NEDD9: variants seen among roughly 807,000 people sequenced by gnomAD.
NEDD9 encodes enhancer of filamentation 1.
NEDD9 carries 26 observed loss-of-function variants against 76.6 expected under a neutral mutation model. The observed-to-expected ratio is 0.34, with a 90% CI of 0.25 to 0.47. The LOEUF is 0.47. Ranked by LOEUF, NEDD9 falls within the 20% of genes least tolerant of loss-of-function variation. The pLI is 1.00. For synonymous variants in NEDD9, 392 were observed against 414.2 expected (o/e 0.95, Z 0.65); for missense variants, 937 against 1,058.5 (o/e 0.89, Z 1.59).
intron 2 of NEDD9, among the ~76,000 whole-genome samples, chr6:11,205,983 T>A (rs1467595173): frequency 1.3e-5 from 2 of 152,244 alleles, no homozygotes; most frequent in African/African-American, 4.8e-5. Flanking sequence ...CTGACACACT[T>A]TAAACAGGAG....
At position 11,190,221 on chromosome 6, in the gene NEDD9, T is replaced by C. The variant is rs1302073773; in HGVS notation, c.1648A>G (p.Asn550Asp). The change falls in exon 5 of 7, where the codon AAC (asparagine) becomes GAC (aspartate). Residue 550 changes from asparagine (N) to aspartate (D), a missense_variant. Asn to Asp is a conservative substitution (Grantham distance 23, BLOSUM62 1). Transcript: ENST00000379446. This position sits in a 1 kb window ranked among gnomAD's most constrained non-coding sequence, Gnocchi z 5.8. ...DDAKQLTTTI[N>D]TNAEALFRPG... ...CTGAAGAGGGCCTCTGCGTTGGTGTTGATGGTTGTGGTGAGCTGCTTGGCG... is the reference window on the plus strand; with the variant it reads ...CTGAAGAGGGCCTCTGCGTTGGTGTCGATGGTTGTGGTGAGCTGCTTGGCG... The C allele has an allele frequency of 1.9e-6, 3 of 1,614,056 alleles. No individual in the cohort carries two copies. The African/African-American group carries it at 4.0e-5, about 22-fold the overall frequency.
intron 3 of NEDD9, among the ~76,000 whole-genome samples, chr6:11,275,565 C>CACACACACACACACACACATAT (rs551632582): frequency 2.7e-5 from 4 of 150,184 alleles, no homozygotes; most frequent in African/African-American, 9.8e-5. Flanking sequence ...CACACACACA[C>CACACACACACACACACACATAT]ATATATATAT....
chr6:11,262,281 C>T (rs1760129282), intron 3 of NEDD9, among the ~76,000 whole-genome samples: 1 of 152,204 alleles, frequency 6.6e-6, no homozygotes, highest in African/African-American at 2.4e-5. Context: ...AGAGCCTTTG[C>T]TTTAAAGACT....
intron 3 of NEDD9, among the ~76,000 whole-genome samples, chr6:11,284,338 G>A (rs139634482): frequency 0.064 from 9,545 of 148,372 alleles, 318 homozygotes; most frequent in Middle Eastern, 0.13. Context: ...GGCAGATCAC[G>A]AGGTCAGGAG....
At chr6:11,229,977 A>G (rs916981085) in intron 1 of NEDD9, among the ~76,000 whole-genome samples, 4 of 152,230 alleles carry the variant, frequency 2.6e-5, no homozygotes, top group Non-Finnish European at 5.9e-5. Context: ...CGACAATCTT[A>G]TAGGGCCTGA....
At chr6:11,381,439 T>C (rs1763061795) in intron 1 of NEDD9, among the ~76,000 whole-genome samples, 1 of 152,242 alleles carries the variant, frequency 6.6e-6, no homozygotes, top group Admixed American at 6.5e-5. Flanking sequence ...TGAAAAAATT[T>C]CAGCAAGATA....
intron 2 of NEDD9, among the ~76,000 whole-genome samples, chr6:11,324,370 G>A (rs571678112): frequency 1.3e-5 from 2 of 152,224 alleles, no homozygotes; most frequent in African/African-American, 4.8e-5. Flanking sequence ...CTGTGTGCAG[G>A]TCTGGATGCC....
chr6:11,321,672 C>A (rs920959287), intron 2 of NEDD9, among the ~76,000 whole-genome samples: 2 of 152,132 alleles, frequency 1.3e-5, no homozygotes, highest in African/African-American at 4.8e-5. Flanking sequence ...TTTGCTAATA[C>A]TTTTTGCTGG....
intron 1 of NEDD9, among the ~76,000 whole-genome samples, chr6:11,224,636 T>C (rs61167633): frequency 8.5e-6 from 1 of 116,990 alleles, no homozygotes; most frequent in Non-Finnish European, 1.6e-5. Context: ...AAAAAAAAAA[T>C]CTCATCGACA....
In NEDD9 at chr6:11,270,740, C is replaced by T. The variant is rs536750106; in HGVS notation, c.12+35252G>A. 5.3e-5 allele frequency among the ~76,000 whole-genome samples: 8 copies of T among 152,320 alleles called. No individual in the cohort carries two copies. The South Asian group carries it at 1.7e-3, about 32-fold the overall frequency. ...TTAGAAGGGTCTGTTTCTTTCCATG[C>T]AGATACCCTCATTAGTTATTTACGT... On this transcript the variant is annotated intron_variant, in intron 3 of 3. Transcript: ENST00000397378.
At chr6:11,374,739 C>G (rs777380943) in intron 1 of NEDD9, among the ~76,000 whole-genome samples, 5 of 152,214 alleles carry the variant, frequency 3.3e-5, no homozygotes, top group African/African-American at 4.8e-5. Flanking sequence ...GGAACCCAAT[C>G]TGCTGGTCTG....
intron 1 of NEDD9, among the ~76,000 whole-genome samples, chr6:11,380,950 A>C (rs1763053150): frequency 6.6e-6 from 1 of 152,158 alleles, no homozygotes; most frequent in Non-Finnish European, 1.5e-5. Context: ...CCGGGACTAT[A>C]GGCATACACC....
intron 1 of NEDD9, among the ~76,000 whole-genome samples, chr6:11,335,687 A>G (rs987070281): frequency 2.0e-5 from 3 of 152,246 alleles, no homozygotes; most frequent in Non-Finnish European, 4.4e-5. Flanking sequence ...ATCCCAAAGC[A>G]CAGACCTTTA....
chr6:11,186,964 A>G (rs971118437), intron 6 of NEDD9, among the ~76,000 whole-genome samples: 2 of 152,272 alleles, frequency 1.3e-5, no homozygotes, highest in Middle Eastern at 6.8e-3. Context: ...AGCGATTGCT[A>G]TGGTTTCTAC....
chr6:11,288,221 A>G (rs1419107051), intron 3 of NEDD9, among the ~76,000 whole-genome samples: 1 of 152,216 alleles, frequency 6.6e-6, no homozygotes, highest in Non-Finnish European at 1.5e-5. Context: ...TTGCTGGGCA[A>G]CATTACTGCC....
intron 1 of NEDD9, among the ~76,000 whole-genome samples, chr6:11,338,487 C>T (rs1762208476): frequency 6.6e-6 from 1 of 152,154 alleles, no homozygotes; most frequent in South Asian, 2.1e-4. Flanking sequence ...CTAATACTCT[C>T]AGGGACCCTT....
At position 11,216,163 on chromosome 6, in the gene NEDD9, C is replaced by T. The variant is rs528430091; in HGVS notation, c.13-2436G>A. Reference sequence around the variant, plus strand: ...TCCTCCTGACTGGTTGTCAGGACTTCCCAGCAGTCCTCCTCAGTGCCCATA... The same window carrying T: ...TCCTCCTGACTGGTTGTCAGGACTTTCCAGCAGTCCTCCTCAGTGCCCATA... On this transcript the variant is annotated intron_variant, in intron 1 of 6. Coordinates refer to ENST00000379446, the MANE Select transcript of NEDD9 (RefSeq NM_006403.4). Among the ~76,000 whole-genome samples, 5 of 152,334 alleles carry T rather than the reference C, an allele frequency of 3.3e-5. 1 individual carries two copies. The Middle Eastern group carries it at 0.01, about 311-fold the overall frequency.
intron 3 of NEDD9, among the ~76,000 whole-genome samples, chr6:11,299,719 A>G (rs1036526790): frequency 1.3e-5 from 2 of 152,210 alleles, no homozygotes; most frequent in Non-Finnish European, 2.9e-5. Context: ...CCAGGCAAAC[A>G]GGGTCTGGAT....
intron 1 of NEDD9, among the ~76,000 whole-genome samples, chr6:11,369,157 C>A (rs1009387304): frequency 1.3e-5 from 2 of 152,178 alleles, no homozygotes; most frequent in African/African-American, 2.4e-5. Context: ...TTTCCTGAAC[C>A]CTGATGATCA....
Sources: allele counts gnomAD v4.1 joint callset (sites outside exome capture counted in the v4.1 genomes callset), GRCh38; gene constraint gnomAD v4.1.1; non-coding constraint Gnocchi (gnomAD v3.1); transcripts MANE v1.5; gene names NCBI Gene and HGNC (gene_info 2026-07-23, HGNC 2026-07-21).